The following EPHB1 variants were observed in gnomAD, a reference collection of about 807,000 sequenced individuals.
EPHB1 encodes the protein EPH receptor B1.
Under a neutral mutation model 94.4 loss-of-function variants are expected in EPHB1, and 30 were observed. That is an observed-to-expected ratio of 0.32 (90% CI 0.24 to 0.43). EPHB1 has a LOEUF of 0.43. Among genes scored for constraint, EPHB1 ranks in the 20% least tolerant of loss-of-function variants. EPHB1 has a pLI of 1.00. For synonymous variants in EPHB1, 522 were observed against 489.1 expected (o/e 1.07, Z -0.89); for missense variants, 1,055 against 1,308.3 (o/e 0.81, Z 2.99).
At chr3:135,213,019 A>G (rs1006450934) in intron 12 of EPHB1, among the ~76,000 whole-genome samples, 8 of 152,194 alleles carry the variant, frequency 5.3e-5, no homozygotes, top group African/African-American at 1.9e-4. Context: ...TCTTTTTAAC[A>G]TCACCATCTT....
intron 1 of EPHB1, among the ~76,000 whole-genome samples, chr3:134,845,347 T>C (rs6785725): frequency 0.25 from 37,783 of 152,204 alleles, 5,667 homozygotes; most frequent in African/African-American, 0.42. Flanking sequence ...TCTGGCTTAT[T>C]CATCCATTCA....
chr3:135,055,037 G>T (rs1011969538), intron 3 of EPHB1, among the ~76,000 whole-genome samples: 4 of 152,042 alleles, frequency 2.6e-5, no homozygotes, highest in African/African-American at 9.7e-5. Flanking sequence ...TAATATTTTG[G>T]TCTATTTACT....
intron 4 of EPHB1, among the ~76,000 whole-genome samples, chr3:135,115,533 T>C (rs1939659209): frequency 2.0e-5 from 3 of 152,168 alleles, no homozygotes; most frequent in Non-Finnish European, 4.4e-5. Context: ...GAATCATGCC[T>C]GTTCACTGGA....
At chr3:135,025,344 A>C (rs1576325469) in intron 3 of EPHB1, among the ~76,000 whole-genome samples, 1 of 85,446 alleles carries the variant, frequency 1.2e-5, no homozygotes, top group Non-Finnish European at 2.4e-5. Flanking sequence ...TATATCTCCC[A>C]ATGCTATCCC....
intron 1 of EPHB1, among the ~76,000 whole-genome samples, chr3:134,883,496 A>C (rs2037803667): frequency 6.6e-6 from 1 of 152,216 alleles, no homozygotes; most frequent in Non-Finnish European, 1.5e-5. Context: ...CTGGATTCAA[A>C]GGTCCTATTT....
rs146093741 is a variant in EPHB1 at position 135,187,320 on chromosome 3, CGTT to C, written c.1883-5255_1883-5253del. ...CTTTAAGCGTCTGTCTTAAATATAA[CGTT>C]AATTCTTGAATTGCTGGAAATATTT... On this transcript the variant is annotated intron_variant, in intron 10 of 15. Coordinates refer to ENST00000398015, the MANE Select transcript of EPHB1 (RefSeq NM_004441.5). Among the ~76,000 whole-genome samples the C allele has an allele frequency of 4.2e-3, 631 of 150,990 alleles. 3 individuals carry two copies. Among genetic ancestry groups the C allele is most frequent in the Non-Finnish European group, 6.8e-3 (458 of 67,796 alleles).
At chr3:135,164,137 T>A (rs1159395321) in intron 7 of EPHB1, among the ~76,000 whole-genome samples, 3 of 152,234 alleles carry the variant, frequency 2.0e-5, no homozygotes. Context: ...TAAGGATGCT[T>A]CATTGGGGTT....
rs369846079 is a variant in EPHB1, at chr3:135,188,419, C to T, written c.1883-4157C>T. ...CTGAGGCAGGAGAATTGCTTGAACC[C>T]GAAAGGCCGAGATTGCAGTGAGTCG... On this transcript the variant is annotated intron_variant, in intron 10 of 15. Transcript: ENST00000398015. 2.9e-4 allele frequency among the ~76,000 whole-genome samples: 44 copies of T among 152,032 alleles called. No individual in the cohort carries two copies. The East Asian group carries it at 6.4e-3, about 22-fold the overall frequency.
chr3:135,017,176 A>AAG (rs1935826360), intron 3 of EPHB1, among the ~76,000 whole-genome samples: 1 of 152,160 alleles, frequency 6.6e-6, no homozygotes, highest in African/African-American at 2.4e-5. Context: ...GGTCTGTGTC[A>AAG]CCAAGCACCG....
intron 3 of EPHB1, among the ~76,000 whole-genome samples, chr3:135,075,831 G>A (rs927496225): frequency 6.6e-6 from 1 of 152,216 alleles, no homozygotes; most frequent in African/African-American, 2.4e-5. Flanking sequence ...TTACCTGCAA[G>A]GGGCTTGCCT....
At chr3:135,218,221 G>T (rs933167789) in intron 12 of EPHB1, among the ~76,000 whole-genome samples, 4 of 152,040 alleles carry the variant, frequency 2.6e-5, no homozygotes, top group African/African-American at 9.7e-5. Context: ...TGGAAATTCT[G>T]CTCTAACATT....
chr3:135,214,388 T>C (rs1943095918), intron 12 of EPHB1, among the ~76,000 whole-genome samples: 1 of 152,160 alleles, frequency 6.6e-6, no homozygotes, highest in Non-Finnish European at 1.5e-5. Flanking sequence ...TGCATCAGAC[T>C]CATTTCTGGT....
intron 3 of EPHB1, among the ~76,000 whole-genome samples, chr3:134,956,910 G>A (rs1933300726): frequency 6.6e-6 from 1 of 152,092 alleles, no homozygotes; most frequent in African/African-American, 2.4e-5. Context: ...TCCTGCATCT[G>A]CCCAGGCCCA....
intron 2 of EPHB1, among the ~76,000 whole-genome samples, chr3:134,938,081 G>A (rs1050233662): frequency 6.6e-5 from 10 of 152,078 alleles, no homozygotes; most frequent in African/African-American, 2.4e-4. Context: ...AGCTGGAGGT[G>A]TTTTAAATCT....
intron 3 of EPHB1, among the ~76,000 whole-genome samples, chr3:134,953,549 G>A (rs1933122668): frequency 6.6e-6 from 1 of 152,262 alleles, no homozygotes; most frequent in African/African-American, 2.4e-5. Context: ...CAGGGTCTAA[G>A]TGGGGACCAA....
intron 4 of EPHB1, 37 bp downstream of exon 4, chr3:135,106,640 G>T (rs1939230744): frequency 1.2e-6 from 2 of 1,608,670 alleles, no homozygotes; most frequent in Non-Finnish European, 8.5e-7. Context: ...TGGGGAGTTT[G>T]GTTCCCTGAT....
At chr3:134,913,489 G>A (rs2038499081) in intron 1 of EPHB1, among the ~76,000 whole-genome samples, 1 of 152,188 alleles carries the variant, frequency 6.6e-6, no homozygotes, top group South Asian at 2.1e-4. Flanking sequence ...CCCTGACTTT[G>A]GGAAAACTCA....
At chr3:135,197,085 C>T (rs948343487) in intron 11 of EPHB1, among the ~76,000 whole-genome samples, 2 of 150,348 alleles carry the variant, frequency 1.3e-5, no homozygotes, top group African/African-American at 4.9e-5. Context: ...TAGCGAGACC[C>T]CGTTCTCCAG....
At chr3:134,979,620 T>C (rs1934330530) in intron 3 of EPHB1, among the ~76,000 whole-genome samples, 1 of 152,216 alleles carries the variant, frequency 6.6e-6, no homozygotes, top group African/African-American at 2.4e-5. Context: ...ATGGTTCAAC[T>C]TATGATTTTT....
Sources: gnomAD v4.1 joint callset for allele counts (sites outside exome capture counted in the v4.1 genomes callset) on GRCh38, gnomAD v4.1.1 for gene constraint, MANE v1.5 for transcripts, NCBI Gene and HGNC (gene_info 2026-07-23, HGNC 2026-07-21) for gene names.